The following WDPCP variants were observed in gnomAD, a reference collection of about 807,000 sequenced individuals.
The protein encoded by WDPCP is WD repeat-containing and planar cell polarity effector protein fritz homolog.
A neutral mutation model predicts 93.1 loss-of-function variants in WDPCP; 71 were observed. The observed-to-expected ratio is 0.76, with a 90% CI of 0.63 to 0.93. The LOEUF is 0.93. WDPCP is among the 40% of genes least tolerant of loss of function. The pLI is 0.00. For synonymous variants in WDPCP, 315 were observed against 315.0 expected (o/e 1.00, Z 0.00); for missense variants, 844 against 887.4 (o/e 0.95, Z 0.62).
intron 12 of WDPCP, among the ~76,000 whole-genome samples, chr2:63,375,097 T>C (rs2104822319): frequency 6.6e-6 from 1 of 152,208 alleles, no homozygotes; most frequent in East Asian, 1.9e-4. Flanking sequence ...AATAAATTAT[T>C]AACTCTTTAT....
intron 9 of WDPCP, among the ~76,000 whole-genome samples, chr2:63,411,328 C>A (rs867111996): frequency 6.6e-6 from 1 of 151,972 alleles, no homozygotes; most frequent in Non-Finnish European, 1.5e-5. Context: ...AAAAATTCTT[C>A]GAACTGAACA....
chr2:63,450,724 A>C (rs1439774915), intron 6 of WDPCP, among the ~76,000 whole-genome samples: 3 of 152,160 alleles, frequency 2.0e-5, no homozygotes, highest in African/African-American at 7.2e-5. Context: ...AGGAAATCAC[A>C]GATACCACTG....
intron 9 of WDPCP, among the ~76,000 whole-genome samples, chr2:63,406,094 T>C (rs1694560356): frequency 6.6e-6 from 1 of 152,150 alleles, no homozygotes; most frequent in Non-Finnish European, 1.5e-5. Context: ...TTAAAAGTCA[T>C]TTTTTAAAAA....
At chr2:63,458,386 C>T (rs1698784165) in intron 6 of WDPCP, among the ~76,000 whole-genome samples, 1 of 151,966 alleles carries the variant, frequency 6.6e-6, no homozygotes, top group African/African-American at 2.4e-5. Flanking sequence ...ATACAAAAAT[C>T]AACATATAAA....
intron 6 of WDPCP, among the ~76,000 whole-genome samples, chr2:63,469,957 C>T (rs1227422280): frequency 6.6e-6 from 1 of 152,214 alleles, no homozygotes; most frequent in Non-Finnish European, 1.5e-5. Context: ...CATGCAGTGG[C>T]CAATGGCCAC....
At chr2:63,415,430 G>A (rs1476365574) in intron 9 of WDPCP, among the ~76,000 whole-genome samples, 1 of 152,042 alleles carries the variant, frequency 6.6e-6, no homozygotes, top group Non-Finnish European at 1.5e-5. Flanking sequence ...AATAATAATA[G>A]TAGTAAGCAA....
chr2:63,539,182 A>G (rs1199335824), intron 1 of WDPCP, among the ~76,000 whole-genome samples: 2 of 152,236 alleles, frequency 1.3e-5, no homozygotes, highest in African/African-American at 2.4e-5. Context: ...TTAAAAATTT[A>G]TATTTTCTAC....
intron 15 of WDPCP, among the ~76,000 whole-genome samples, chr2:63,172,843 C>G (rs1367310883): frequency 6.6e-6 from 1 of 152,116 alleles, no homozygotes; most frequent in Non-Finnish European, 1.5e-5. Context: ...AAAAGGATAG[C>G]TTCTCAGGGA....
chr2:63,405,189 T>C (rs982148908), intron 9 of WDPCP, among the ~76,000 whole-genome samples: 4 of 152,106 alleles, frequency 2.6e-5, no homozygotes, highest in Admixed American at 2.0e-4. Flanking sequence ...TAGGGCTGGG[T>C]AGACAAAGGA....
At chr2:63,573,588 C>G (rs1468880451) in intron 1 of WDPCP, among the ~76,000 whole-genome samples, 2 of 152,104 alleles carry the variant, frequency 1.3e-5, no homozygotes, top group African/African-American at 2.4e-5. Context: ...TATGCCGCCT[C>G]AGGACCCTGT....
chr2:63,574,254 A>C (rs1707754025), intron 1 of WDPCP, among the ~76,000 whole-genome samples: 1 of 152,126 alleles, frequency 6.6e-6, no homozygotes, highest in South Asian at 2.1e-4. Flanking sequence ...AGCTGCCGAC[A>C]TGTGATGTCT....
At chr2:63,488,471 A>G (rs956943789) in intron 2 of WDPCP, among the ~76,000 whole-genome samples, 2 of 152,152 alleles carry the variant, frequency 1.3e-5, no homozygotes, top group African/African-American at 4.8e-5. Context: ...GTAGAGGCAT[A>G]CAATTTTAAA....
intron 14 of WDPCP, among the ~76,000 whole-genome samples, chr2:63,250,964 A>G (rs1178107067): frequency 1.3e-5 from 2 of 152,174 alleles, no homozygotes; most frequent in African/African-American, 2.4e-5. Context: ...TTCATTGCCT[A>G]TACAAAAAAG....
Position 63,484,767 on chromosome 2 carries a change from C to A in WDPCP, c.325-104G>T, listed in dbSNP as rs775365718. 27 of 1,522,842 alleles carry A rather than the reference C, an allele frequency of 1.8e-5. 1 individual carries two copies. The highest frequency in any genetic ancestry group is 3.5e-5 in the South Asian group (3 of 86,808). 94.3% of individuals were successfully genotyped at this position (1,522,842 alleles called of 1,614,324 possible). A position where few individuals can be genotyped will look rare whatever the true frequency, so the allele number is the denominator to read the frequency against. On this transcript the variant is annotated intron_variant, in intron 5 of 17. Coordinates refer to ENST00000272321, the MANE Select transcript of WDPCP (RefSeq NM_015910.7). ...AGCAAAAAAAGATCAACATGCCACA[C>A]AAAGATCCAACTGTTTTGGAACTCA...
chr2:63,630,427 T>C (rs940480283), intron 3 of WDPCP, among the ~76,000 whole-genome samples: 2 of 151,156 alleles, frequency 1.3e-5, no homozygotes, highest in African/African-American at 4.9e-5. Flanking sequence ...GGGTTGAAAG[T>C]AAAAGAATGA....
intron 2 of WDPCP, among the ~76,000 whole-genome samples, chr2:63,787,320 G>A (rs989783176): frequency 5.3e-5 from 8 of 152,050 alleles, no homozygotes; most frequent in African/African-American, 1.7e-4. Flanking sequence ...ATTTTGCCAG[G>A]GTCAACCAGA....
chr2:63,122,661 G>A (rs1455629606), intron 17 of WDPCP, among the ~76,000 whole-genome samples: 2 of 152,124 alleles, frequency 1.3e-5, no homozygotes, highest in Non-Finnish European at 2.9e-5. Context: ...GTTGGATGAT[G>A]TGTGAAGATA....
intron 10 of WDPCP, among the ~76,000 whole-genome samples, chr2:63,402,119 T>C (rs1694196330): frequency 6.6e-6 from 1 of 152,114 alleles, no homozygotes; most frequent in Non-Finnish European, 1.5e-5. Flanking sequence ...ATATACACCA[T>C]GGAATACTAT....
rs772163482 is a variant in WDPCP at position 63,492,913 on chromosome 2, ACAT to A, written c.100_102del (p.Met34del). 1 of 1,613,646 alleles carries A rather than the reference ACAT, an allele frequency of 6.2e-7. No homozygotes were observed. On this transcript the variant is annotated inframe_deletion, in exon 2 of 18. Transcript: ENST00000272321. Reference sequence around the variant, plus strand: ...AGGTGCAGTTCAGTCAAGCAGAAAGACATCTGATGGCAGAAGGAATCTCTATCC... The same window carrying A: ...AGGTGCAGTTCAGTCAAGCAGAAAGACTGATGGCAGAAGGAATCTCTATCC...
Sources: gnomAD v4.1 joint callset for allele counts (sites outside exome capture counted in the v4.1 genomes callset) on GRCh38, gnomAD v4.1.1 for gene constraint, MANE v1.5 for transcripts, NCBI Gene and HGNC (gene_info 2026-07-23, HGNC 2026-07-21) for gene names.